The following NKAIN2 variants were observed in gnomAD, a reference collection of about 807,000 sequenced individuals.
NKAIN2 encodes the protein sodium/potassium transporting ATPase interacting 2.
NKAIN2 carries 14 observed loss-of-function variants against 32.6 expected under a neutral mutation model. That is an observed-to-expected ratio of 0.43 (90% CI 0.28 to 0.67). The LOEUF (loss-of-function observed/expected upper bound fraction) is 0.67, where lower values mean the gene tolerates loss of function less well. NKAIN2 is among the 30% of genes least tolerant of loss of function. The probability of loss-of-function intolerance (pLI) is 0.17; values close to 1 mark genes in which losing one functional copy is unlikely to be tolerated. For synonymous variants in NKAIN2, 80 were observed against 87.2 expected, an observed-to-expected ratio of 0.92 and a Z score of 0.46; for missense variants, 198 against 258.3, an observed-to-expected ratio of 0.77 and a Z score of 1.60.
chr6:124,323,912 C>CGAG (rs1797309676), intron 2 of NKAIN2, among the ~76,000 whole-genome samples: 1 of 151,546 alleles, frequency 6.6e-6, no homozygotes, highest in Non-Finnish European at 1.5e-5. Flanking sequence ...CTCAGCCTCC[C>CGAG]GAGGAGCTGG....
chr6:124,406,251 G>T (rs1435343354), intron 3 of NKAIN2, among the ~76,000 whole-genome samples: 2 of 151,970 alleles, frequency 1.3e-5, no homozygotes, highest in Admixed American at 1.3e-4. Context: ...CACCTGAGCT[G>T]TTCCTAGGCA....
chr6:123,897,676 A>G (rs999798401), intron 1 of NKAIN2, among the ~76,000 whole-genome samples: 3 of 152,030 alleles, frequency 2.0e-5, no homozygotes, highest in East Asian at 1.9e-4. Flanking sequence ...CAGTTGTTCA[A>G]TATCTTGAAT....
chr6:124,235,932 A>T (rs960713474), intron 1 of NKAIN2, among the ~76,000 whole-genome samples: 5 of 151,650 alleles, frequency 3.3e-5, no homozygotes, highest in African/African-American at 9.7e-5. Flanking sequence ...ATTTTTCATG[A>T]TTCTTTTTAT....
chr6:124,179,740 G>A (rs2114537049), intron 1 of NKAIN2, among the ~76,000 whole-genome samples: 1 of 152,294 alleles, frequency 6.6e-6, no homozygotes, highest in East Asian at 1.9e-4. Flanking sequence ...AACTGTGACT[G>A]TTATGTTGGT....
At chr6:124,152,455 A>C (rs1337686184) in intron 1 of NKAIN2, among the ~76,000 whole-genome samples, 2 of 152,052 alleles carry the variant, frequency 1.3e-5, no homozygotes, top group East Asian at 1.9e-4. Context: ...ATAAATAATA[A>C]TGAGATATCA....
chr6:124,664,104 G>GTCTC (rs1772642608), intron 4 of NKAIN2, among the ~76,000 whole-genome samples: 2 of 151,864 alleles, frequency 1.3e-5, no homozygotes, highest in Middle Eastern at 3.4e-3. Flanking sequence ...CTGAAACCCC[G>GTCTC]TCTCTACTAA....
At chr6:124,061,936 G>A (rs1302483796) in intron 1 of NKAIN2, among the ~76,000 whole-genome samples, 3 of 152,066 alleles carry the variant, frequency 2.0e-5, no homozygotes, top group African/African-American at 7.2e-5. Context: ...AGAGATAAGA[G>A]AATGGAGAAA....
At chr6:124,374,933 T>C (rs1158521118) in intron 3 of NKAIN2, among the ~76,000 whole-genome samples, 1 of 152,108 alleles carries the variant, frequency 6.6e-6, no homozygotes, top group East Asian at 1.9e-4. Flanking sequence ...TGAAATGGCC[T>C]CTGCTATCTC....
intron 4 of NKAIN2, among the ~76,000 whole-genome samples, chr6:124,687,424 C>T (rs12202164): frequency 4.2e-4 from 10 of 24,040 alleles, no homozygotes; most frequent in African/African-American, 1.5e-3. Flanking sequence ...ATATATATTC[C>T]ATGTATACCA....
intron 1 of NKAIN2, among the ~76,000 whole-genome samples, chr6:123,868,775 T>G (rs1772717027): frequency 6.6e-6 from 1 of 152,194 alleles, no homozygotes; most frequent in African/African-American, 2.4e-5. Flanking sequence ...AAATAATTAC[T>G]TTACCACATG....
intron 3 of NKAIN2, among the ~76,000 whole-genome samples, chr6:124,570,287 G>A (rs927713189): frequency 6.6e-6 from 1 of 152,118 alleles, no homozygotes; most frequent in Non-Finnish European, 1.5e-5. Context: ...ATTTTTTGAG[G>A]AGAAATTCAA....
At chr6:124,244,078 A>G (rs1184268246) in intron 1 of NKAIN2, among the ~76,000 whole-genome samples, 1 of 150,524 alleles carries the variant, frequency 6.6e-6, no homozygotes, top group African/African-American at 2.4e-5. Context: ...TTTTTTTTTA[A>G]TAATTTAATT....
At chr6:124,286,062 G>C (rs1398055766) in intron 2 of NKAIN2, among the ~76,000 whole-genome samples, 1 of 151,886 alleles carries the variant, frequency 6.6e-6, no homozygotes, top group East Asian at 1.9e-4. Context: ...AAAATAATTT[G>C]ATACAAAAAT....
chr6:124,715,091 T>A (rs1489242263), intron 4 of NKAIN2, among the ~76,000 whole-genome samples: 1 of 152,184 alleles, frequency 6.6e-6, no homozygotes, highest in Non-Finnish European at 1.5e-5. Flanking sequence ...TAGATTTCAT[T>A]CCATTACCCC....
At chr6:124,334,712 G>A (rs1449555967) in intron 2 of NKAIN2, among the ~76,000 whole-genome samples, 1 of 131,840 alleles carries the variant, frequency 7.6e-6, no homozygotes, top group Non-Finnish European at 1.6e-5. Context: ...TGATCTTGCG[G>A]CATCTAGCTG....
At chr6:124,581,738 A>C (rs560361155) in intron 3 of NKAIN2, among the ~76,000 whole-genome samples, 1 of 152,338 alleles carries the variant, frequency 6.6e-6, no homozygotes, top group East Asian at 1.9e-4. Context: ...TGTAAATTAA[A>C]CAATATGCTC....
chr6:124,150,396 A>G (rs1787649081), intron 1 of NKAIN2, among the ~76,000 whole-genome samples: 2 of 152,152 alleles, frequency 1.3e-5, no homozygotes, highest in African/African-American at 4.8e-5. Flanking sequence ...CTGAAAAACA[A>G]TATGTCATTC....
intron 1 of NKAIN2, among the ~76,000 whole-genome samples, chr6:124,120,789 C>T (rs1043039797): frequency 3.9e-5 from 6 of 151,938 alleles, no homozygotes; most frequent in East Asian, 1.9e-4. Flanking sequence ...GAAAAGTATA[C>T]GTTAGATTTA....
At chr6:124,510,069 A>G (rs1225586834) in intron 3 of NKAIN2, among the ~76,000 whole-genome samples, 1 of 151,848 alleles carries the variant, frequency 6.6e-6, no homozygotes, top group Non-Finnish European at 1.5e-5. Context: ...TATTTTTCCC[A>G]CTGTTCCCTG....
Sources: allele counts gnomAD v4.1 joint callset (sites outside exome capture counted in the v4.1 genomes callset), GRCh38; gene constraint gnomAD v4.1.1; transcripts MANE v1.5; gene names NCBI Gene and HGNC (gene_info 2026-07-23, HGNC 2026-07-21).